Variants in P2RX6 observed in about 807,000 individuals in gnomAD.
P2RX6 encodes P2X purinoceptor 6.
P2RX6 carries 62 observed loss-of-function variants against 54.2 expected under a neutral mutation model. The ratio of observed to expected loss-of-function variants is 1.14; its 90% confidence interval spans 0.93 to 1.41. P2RX6 has a LOEUF of 1.41. Ranked by LOEUF, P2RX6 falls within the 40% of genes most tolerant of loss-of-function variation. P2RX6 has a pLI of 0.00. For missense variants in P2RX6, 541 were observed against 566.3 expected (o/e 0.96, Z 0.45); for synonymous variants, 211 against 231.9 (o/e 0.91, Z 0.82).
chr22:21,021,699 C>T (rs1432438633), intron 3 of P2RX6, among the ~76,000 whole-genome samples: 1 of 152,130 alleles, frequency 6.6e-6, no homozygotes, highest in Non-Finnish European at 1.5e-5. Context: ...TGGGGCAGGA[C>T]CATGCCTGGG....
upstream of P2RX6, among the ~76,000 whole-genome samples, chr22:21,014,747 A>G (rs2075280): frequency 1.8e-4 from 28 of 152,122 alleles, 1 homozygote; most frequent in Non-Finnish European, 2.4e-4. Context: ...AGGAACCTCC[A>G]TCCCCATCTT....
At chr22:21,015,904 C>A in intron 1 of P2RX6, 38 bp from the exon 2 acceptor site, 1 of 1,545,232 alleles carries the variant, frequency 6.5e-7, no homozygotes, top group South Asian at 1.2e-5. Flanking sequence ...TCACTACACG[C>A]TGGGGACACA....
At chr22:21,012,071 T>A (rs754058419), upstream of P2RX6, among the ~76,000 whole-genome samples, 9 of 152,192 alleles carry the variant, frequency 5.9e-5, no homozygotes, top group Non-Finnish European at 4.4e-5. Flanking sequence ...TGGGGGCCAT[T>A]TCACAGATTG....
upstream of P2RX6, among the ~76,000 whole-genome samples, chr22:21,014,815 G>C (rs1040263740): frequency 6.6e-6 from 1 of 152,078 alleles, no homozygotes; most frequent in East Asian, 1.9e-4. Context: ...CACTTCTTCC[G>C]GAAGCTTTCC....
At chr22:21,011,464 T>C (rs565732921), upstream of P2RX6, 648 of 706,172 alleles carry the variant, frequency 9.2e-4, 3 homozygotes, top group Middle Eastern at 9.5e-3. Flanking sequence ...GGCAAGGTGC[T>C]GGGCCGCCTG....
upstream of P2RX6, chr22:21,012,553 G>T: frequency 1.6e-6 from 1 of 619,534 alleles, no homozygotes; most frequent in Admixed American, 2.2e-5. Flanking sequence ...TTTGCTCAGG[G>T]CACCTGCCAG....
At chr22:21,025,269 C>T (rs1928222032) in intron 8 of P2RX6, among the ~76,000 whole-genome samples, 1 of 152,156 alleles carries the variant, frequency 6.6e-6, no homozygotes, top group Non-Finnish European at 1.5e-5. Context: ...GTCACCTCGT[C>T]ATGCAGGCAG....
rs1926269054 is a variant in P2RX6 at position 21,015,868 on chromosome 22, GCATGTAGGGCTCAGCT to G, written c.165-72_165-57del. On this transcript the variant is annotated intron_variant, in intron 1 of 11. Coordinates refer to ENST00000413302, the MANE Select transcript of P2RX6 (RefSeq NM_005446.5). ...CTGTAGGGTGTGGGGGGAGAACTGA[GCATGTAGGGCTCAGCT>G]CCGCCCCTGTCACTACACGCTGGGG... 4 of 1,453,758 alleles carry G rather than the reference GCATGTAGGGCTCAGCT, an allele frequency of 2.8e-6. No homozygotes were observed. In the Admixed American group the frequency reaches 8.5e-5, roughly 31 times the overall value. The allele number at this position is 1,453,758 out of a possible 1,614,324, so 90.1% of individuals were successfully genotyped here.
intron 2 of P2RX6, among the ~76,000 whole-genome samples, chr22:21,017,338 C>G (rs1406141183): frequency 6.6e-6 from 1 of 152,218 alleles, no homozygotes; most frequent in Non-Finnish European, 1.5e-5. Flanking sequence ...CCCAAATTCA[C>G]AGTGCTCTCA....
chr22:21,017,812 C>T (rs1926665383), intron 2 of P2RX6, 177 bp from the exon 3 acceptor site: 1 of 686,380 alleles, frequency 1.5e-6, no homozygotes, highest in East Asian at 2.8e-5. Flanking sequence ...TTCCTGGTCT[C>T]AAAAATGGCC....
chr22:21,023,735 G>A lies in P2RX6; in HGVS notation c.890+117G>A, dbSNP rs557856465. On this transcript the variant is annotated intron_variant, in intron 8 of 11. Coordinates refer to ENST00000413302, the MANE Select transcript of P2RX6 (RefSeq NM_005446.5). ...TAGATATTCCACTACGTGTGCAAGG[G>A]GGTCCCAGGAGCAGGAGAGAGCTGT... 9.6e-5 allele frequency: 70 copies of A among 725,910 alleles called. 2 individuals carry two copies. The South Asian group carries it at 1.2e-3, about 12-fold the overall frequency. 45.0% of individuals were successfully genotyped at this position (725,910 alleles called of 1,614,324 possible).
intron 3 of P2RX6, among the ~76,000 whole-genome samples, chr22:21,020,886 A>G (rs1927272930): frequency 6.6e-6 from 1 of 151,496 alleles, no homozygotes; most frequent in African/African-American, 2.4e-5. Flanking sequence ...CAGGCCAAGC[A>G]GAATCTTAAA....
In P2RX6 at chr22:21,016,035, G is replaced by A. The variant is rs138665462; in HGVS notation, c.258G>A (p.Gln86=). The change falls in exon 2 of 12, where the codon CAG becomes CAA. Residue 86 remains glutamine (Q), a synonymous_variant. Coordinates refer to ENST00000413302, the MANE Select transcript of P2RX6 (RefSeq NM_005446.5). ...AACTCAAAGGGGTTTCCGTCACTCA[G>A]ATCAAGGAGCTTGGAAACCGGCTGT... The part of the protein sequence containing the change: ...ITKLKGVSVT[Q]IKELGNRLWD... 16 of 1,558,376 alleles carry A rather than the reference G, an allele frequency of 1.0e-5. No individual in the cohort carries two copies. Among genetic ancestry groups the A allele is most frequent in the Non-Finnish European group, 1.4e-5 (16 of 1,151,866 alleles).
upstream of P2RX6, chr22:21,011,391 G>C (rs1374031183): frequency 3.1e-6 from 2 of 644,712 alleles, no homozygotes; most frequent in Non-Finnish European, 5.7e-6. Context: ...TACCTGCTTG[G>C]TCATTCAGCT....
chr22:21,026,601 A>G lies in P2RX6; in HGVS notation c.1310A>G (p.His437Arg). 2 of 1,585,654 alleles carry G rather than the reference A, an allele frequency of 1.3e-6. No homozygotes were observed. Among genetic ancestry groups the G allele is most frequent in the South Asian group, 1.2e-5 (1 of 86,478 alleles). The stretch of plus-strand genomic sequence containing the variant: ...AGTTCTGACACCCACTTGCCAACCC[A>G]TTCCGGGAGCCTGTAGCCGTTCCCT... ...CPSSDTHLPT[H>R]SGSL Residue 437 changes from histidine (H) to arginine (R), a missense_variant, in exon 12 of 12, where the codon CAT (histidine) becomes CGT (arginine). By Grantham distance (29) the His-to-Arg change is conservative. This residue lies in a region of P2RX6 where 526 missense variants were observed against 531.5 expected (regional missense o/e 0.99). Transcript: ENST00000413302. The surrounding 1 kb of genome is among the most constrained non-coding windows in gnomAD (Gnocchi z 4.0).
At position 21,019,434 on chromosome 22, in the gene P2RX6, C is replaced by T. The variant is rs554159526; in HGVS notation, c.387+1374C>T. Reference sequence around the variant, plus strand: ...GGGTTCAAGCAGTTCTCCTGCTCACCCCCTGAGTAGCTGGGATTACAGGTG... The same window carrying T: ...GGGTTCAAGCAGTTCTCCTGCTCACTCCCTGAGTAGCTGGGATTACAGGTG... On this transcript the variant is annotated intron_variant, in intron 3 of 11. Transcript: ENST00000413302. Among the ~76,000 whole-genome samples the T allele has an allele frequency of 2.6e-5, 4 of 152,300 alleles. No individual in the cohort carries two copies. In the East Asian group the frequency reaches 5.8e-4, roughly 22 times the overall value.
chr22:21,026,951 A>G lies in P2RX6; in HGVS notation c.*334A>G, dbSNP rs371100728. 2.7e-6 allele frequency: 1 copy of G among 370,556 alleles called. No homozygotes were observed. Among genetic ancestry groups the G allele is most frequent in the Non-Finnish European group, 5.0e-6 (1 of 202,002 alleles). The allele number at this position is 370,556 out of a possible 1,614,324, so 23.0% of individuals were successfully genotyped here. A position where few individuals can be genotyped will look rare whatever the true frequency, so the allele number is the denominator to read the frequency against. On this transcript the variant is annotated 3_prime_UTR_variant, in exon 12 of 12. Transcript: ENST00000413302. The surrounding 1 kb of genome is among the most constrained non-coding windows in gnomAD (Gnocchi z 4.0). ...CCAGTGCTCTGTCCCCAGTGTTCCTAGCAGAGGTATGCTTACCAGCTGTCA... is the reference window on the plus strand; with the variant it reads ...CCAGTGCTCTGTCCCCAGTGTTCCTGGCAGAGGTATGCTTACCAGCTGTCA...
intron 2 of P2RX6, among the ~76,000 whole-genome samples, chr22:21,016,518 G>C (rs1926414092): frequency 6.6e-6 from 1 of 150,396 alleles, no homozygotes; most frequent in Non-Finnish European, 1.5e-5. Context: ...GAACCCGGGA[G>C]GTGGAGCTTG....
intron 2 of P2RX6, among the ~76,000 whole-genome samples, chr22:21,017,574 G>A (rs1926605901): frequency 6.6e-6 from 1 of 152,218 alleles, no homozygotes; most frequent in Admixed American, 6.5e-5. Flanking sequence ...TTGGAGCCAG[G>A]CATGGTAGCT....
Sources: allele counts gnomAD v4.1 joint callset (sites outside exome capture counted in the v4.1 genomes callset), GRCh38; gene constraint gnomAD v4.1.1; regional missense constraint gnomAD v4.1.1; non-coding constraint Gnocchi (gnomAD v3.1); transcripts MANE v1.5; gene names NCBI Gene and HGNC (gene_info 2026-07-23, HGNC 2026-07-21).